ZBTB14: variants seen among roughly 807,000 people sequenced by gnomAD.
The protein encoded by ZBTB14 is zinc finger and BTB domain containing 14.
ZBTB14 carries 8 observed loss-of-function variants against 29.5 expected under a neutral mutation model. That is an observed-to-expected ratio of 0.27 (90% CI 0.16 to 0.49). The LOEUF (loss-of-function observed/expected upper bound fraction) is 0.49, where lower values mean the gene tolerates loss of function less well. Ranked by LOEUF, ZBTB14 falls within the 20% of genes least tolerant of loss-of-function variation. The pLI, the probability that ZBTB14 is intolerant of heterozygous loss-of-function variation, is 0.99. For synonymous variants in ZBTB14, 226 were observed against 207.2 expected (o/e 1.09, Z -0.78); for missense variants, 333 against 563.8 (o/e 0.59, Z 4.15).
rs2071773778 is a variant in ZBTB14 at position 5,289,920 on chromosome 18, G to T, written c.*938C>A. ...CCAAAGCTTGATGACATTCTGTAAA[G>T]TTACACAAATGTATCTGAAGAAGTT... On this transcript the variant is annotated 3_prime_UTR_variant, in exon 4 of 4. Transcript: ENST00000651870. The T allele has an allele frequency of 6.6e-6, 1 of 152,262 alleles. No homozygotes were observed. Among genetic ancestry groups the T allele is most frequent in the Non-Finnish European group, 1.5e-5 (1 of 68,038 alleles). 9.4% of individuals were successfully genotyped at this position (152,262 alleles called of 1,614,324 possible).
chr18:5,291,577 G>C lies in ZBTB14; in HGVS notation c.631C>G (p.Arg211Gly), dbSNP rs867479592. 1 of 1,613,678 alleles carries C rather than the reference G, an allele frequency of 6.2e-7. No homozygotes were observed. Among genetic ancestry groups the C allele is most frequent in the South Asian group, 1.1e-5 (1 of 91,064 alleles). Residue 211 changes from arginine (R) to glycine (G), a missense_variant, in exon 4 of 4, where the codon CGG (arginine) becomes GGG (glycine). Physicochemically the swap from Arg to Gly is moderately radical, Grantham distance 125. Transcript: ENST00000651870. The surrounding 1 kb of genome is among the most constrained non-coding windows in gnomAD (Gnocchi z 5.8). ...TCCTGGCCGTAGCAATTGACCTTCC[G>C]AACTTCCTCACTCCCCAGCTCTTTC... Reference protein sequence around the residue: ...ILKELGSEEVRKVNCYGQEVE... With the variant: ...ILKELGSEEVGKVNCYGQEVE...
Position 5,291,381 on chromosome 18 carries a change from T to G in ZBTB14, c.827A>C (p.Gln276Pro), listed in dbSNP as rs749976069. Residue 276 changes from glutamine (Q) to proline (P), a missense_variant, in exon 4 of 4, where the codon CAG becomes CCG. Gln to Pro is a moderately conservative substitution (Grantham distance 76). Transcript: ENST00000651870. This position sits in a 1 kb window ranked among gnomAD's most constrained non-coding sequence, Gnocchi z 5.8. ...CTTCCCACACGCCTGGCAGGCAATC[T>G]GCTCCCGATGGTGACCATAAAGCAA... ...EYLLYGHHRE[Q>P]IACQACGKTF... 1.6e-5 allele frequency: 26 copies of G among 1,614,146 alleles called. No individual in the cohort carries two copies. In the African/African-American group the frequency reaches 1.7e-4, roughly 11 times the overall value.
At chr18:5,296,203 C>T (rs930737589), upstream of ZBTB14, 3 of 151,144 alleles carry the variant, frequency 2.0e-5, no homozygotes, top group Admixed American at 1.3e-4. Flanking sequence ...TACGGGGCCG[C>T]CCCCGGAGGG....
chr18:5,293,169 C>T, intron 3 of ZBTB14, 75 bp downstream of exon 3: 1 of 1,486,300 alleles, frequency 6.7e-7, no homozygotes, highest in Non-Finnish European at 9.2e-7. Flanking sequence ...CATGCACAAT[C>T]AGAATTGGTA....
rs974325603 is a variant in ZBTB14 at position 5,290,782 on chromosome 18, A to G, written c.*76T>C. 18 of 1,541,214 alleles carry G rather than the reference A, an allele frequency of 1.2e-5. No homozygotes were observed. In the African/African-American group the frequency reaches 2.3e-4, roughly 20 times the overall value. ...CCATACGTTTCCACAAAAATATTGT[A>G]ACTGGCATTCACTCATTATGATCCA... On this transcript the variant is annotated 3_prime_UTR_variant, in exon 4 of 4. Coordinates refer to ENST00000651870, the MANE Select transcript of ZBTB14 (RefSeq NM_001243702.2).
chr18:5,294,866 G>A (rs1016918150), intron 1 of ZBTB14: 1 of 152,148 alleles, frequency 6.6e-6, no homozygotes, highest in African/African-American at 2.4e-5. Context: ...CGACTTCCTT[G>A]TTGCAAGCTT....
At chr18:5,294,571 T>TCCCCG (rs1467123796) in intron 1 of ZBTB14, among the ~76,000 whole-genome samples, 2 of 150,890 alleles carry the variant, frequency 1.3e-5, no homozygotes, top group African/African-American at 4.9e-5. Context: ...AGCCGCCTCC[T>TCCCCG]CCCCGCCCCG....
chr18:5,296,830 C>G (rs1337103789), upstream of ZBTB14, among the ~76,000 whole-genome samples: 1 of 151,948 alleles, frequency 6.6e-6, no homozygotes, highest in Non-Finnish European at 1.5e-5. Flanking sequence ...TGTGGCAGTC[C>G]AGACCCTGGA....
Position 5,293,341 on chromosome 18 carries a change from G to A in ZBTB14, c.-81-14C>T. The stretch of plus-strand genomic sequence containing the variant: ...AGCACGCCAGACCTACAGAGGAAAG[G>A]ATAAACAAGAATGAGGTAGGATCTT... On this transcript the variant is annotated splice_polypyrimidine_tract_variant and intron_variant, in intron 2 of 3. Coordinates refer to ENST00000651870, the MANE Select transcript of ZBTB14 (RefSeq NM_001243702.2). 2 of 1,299,314 alleles carry A rather than the reference G, an allele frequency of 1.5e-6. No homozygotes were observed. The highest frequency in any genetic ancestry group is 1.1e-6 in the Non-Finnish European group (1 of 933,670). The allele number at this position is 1,299,314 out of a possible 1,614,324, so 80.5% of individuals were successfully genotyped here.
chr18:5,296,237 A>ACGCGCGCGGCTTGGGGCGCGCGGAGCC (rs1467726823), upstream of ZBTB14: 6 of 150,066 alleles, frequency 4.0e-5, no homozygotes, highest in African/African-American at 9.8e-5. Context: ...ACGCGCGCGC[A>ACGCGCGCGGCTTGGGGCGCGCGGAGCC]CGCGCGCGGC....
chr18:5,293,357 G>A, intron 2 of ZBTB14, 30 bp from the exon 3 acceptor site: 1 of 1,127,614 alleles, frequency 8.9e-7, no homozygotes. Flanking sequence ...CAAGAATGAG[G>A]TAGGATCTTC....
rs761081643 is a variant in ZBTB14 at position 5,291,854 on chromosome 18, T to C, written c.354A>G (p.Arg118=). The change falls in exon 4 of 4, where the codon CGA becomes CGG. Residue 118 remains arginine (R), a synonymous_variant. Coordinates refer to ENST00000651870, the MANE Select transcript of ZBTB14 (RefSeq NM_001243702.2). This position sits in a 1 kb window ranked among gnomAD's most constrained non-coding sequence, Gnocchi z 5.8. ...MMSSGQILGI[R]FLDKLCSQKR... ...TCTGAGAACACAGTTTATCCAAAAATCGGATACCAAGAATCTGACCCGATG... is the reference window on the plus strand; with the variant it reads ...TCTGAGAACACAGTTTATCCAAAAACCGGATACCAAGAATCTGACCCGATG... 7 of 1,614,158 alleles carry C rather than the reference T, an allele frequency of 4.3e-6. No individual in the cohort carries two copies. In the South Asian group the frequency reaches 5.5e-5, roughly 13 times the overall value.
rs1018108241 is a variant in ZBTB14, at chr18:5,290,780, G to GT, written c.*77dup. ...TTCCATACGTTTCCACAAAAATATT[G>GT]TAACTGGCATTCACTCATTATGATC... On this transcript the variant is annotated 3_prime_UTR_variant, in exon 4 of 4. Coordinates refer to ENST00000651870, the MANE Select transcript of ZBTB14 (RefSeq NM_001243702.2). 18 of 1,539,000 alleles carry GT rather than the reference G, an allele frequency of 1.2e-5. No individual in the cohort carries two copies. Among genetic ancestry groups the GT allele is most frequent in the Middle Eastern group, 1.8e-4 (1 of 5,676 alleles).
chr18:5,291,678 G>A lies in ZBTB14; in HGVS notation c.530C>T (p.Thr177Ile), dbSNP rs1308876635. The A allele has an allele frequency of 4.3e-6, 7 of 1,614,046 alleles. No individual in the cohort carries two copies. The highest frequency in any genetic ancestry group is 5.9e-6 in the Non-Finnish European group (7 of 1,180,014). Residue 177 changes from threonine to isoleucine, a missense_variant, in exon 4 of 4, where the codon ACA (threonine) becomes ATA (isoleucine). Around this residue, in one of 3 missense-constraint regions of ZBTB14, gnomAD observed 126 missense variants for 132.2 expected, o/e 0.95. Transcript: ENST00000651870. The surrounding 1 kb of genome is among the most constrained non-coding windows in gnomAD (Gnocchi z 5.8). ...GDQDDSPSDD[T>I]VEGTPPSQED... ...CTGACTCGGGGGTGTGCCTTCTACTGTGTCATCAGAAGGACTGTCATCCTG... is the reference window on the plus strand; with the variant it reads ...CTGACTCGGGGGTGTGCCTTCTACTATGTCATCAGAAGGACTGTCATCCTG...
chr18:5,291,618 AC>A lies in ZBTB14; in HGVS notation c.589del (p.Val197PhefsTer6). On this transcript the variant is annotated frameshift_variant, in exon 4 of 4. Transcript: ENST00000651870. LOFTEE classifies it high-confidence loss of function. The surrounding 1 kb of genome is among the most constrained non-coding windows in gnomAD (Gnocchi z 5.8). ...DGKSPTTTLR[V>X]QEAILKELGS... ...CAGCTCTTTCAGGATCGCTTCCTGAACCCTGAGCGTTGTGGTGGGCGACTTG... is the reference window on the plus strand; with the variant it reads ...CAGCTCTTTCAGGATCGCTTCCTGAACCTGAGCGTTGTGGTGGGCGACTTG... The A allele has an allele frequency of 6.2e-7, 1 of 1,612,500 alleles. No homozygotes were observed. Among genetic ancestry groups the A allele is most frequent in the Non-Finnish European group, 8.5e-7 (1 of 1,179,626 alleles).
Position 5,289,958 on chromosome 18 carries a change from C to T in ZBTB14, c.*900G>A, listed in dbSNP as rs1053514918. Reference sequence around the variant, plus strand: ...ATCTGAAGAAGTTATCTGTTCTTGTCCTAATTTTGATTCTAAATAAAAATC... The same window carrying T: ...ATCTGAAGAAGTTATCTGTTCTTGTTCTAATTTTGATTCTAAATAAAAATC... On this transcript the variant is annotated 3_prime_UTR_variant, in exon 4 of 4. Transcript: ENST00000651870. 2 of 152,130 alleles carry T rather than the reference C, an allele frequency of 1.3e-5. No individual in the cohort carries two copies. Among genetic ancestry groups the T allele is most frequent in the Admixed American group, 1.3e-4 (2 of 15,276 alleles). The allele number at this position is 152,130 out of a possible 1,614,324, so 9.4% of individuals were successfully genotyped here.
chr18:5,291,354 G>A lies in ZBTB14; in HGVS notation c.854C>T (p.Thr285Met), dbSNP rs144708635. The A allele has an allele frequency of 3.8e-5, 61 of 1,614,082 alleles. No individual in the cohort carries two copies. Among genetic ancestry groups the A allele is most frequent in the East Asian group, 1.1e-4 (5 of 44,894 alleles). Residue 285 changes from threonine (T) to methionine (M), a missense_variant, in exon 4 of 4, where the codon ACG becomes ATG. Transcript: ENST00000651870. The surrounding 1 kb of genome is among the most constrained non-coding windows in gnomAD (Gnocchi z 5.8). ...CCTCAATCTGCCTTCATCAGAAAAC[G>A]TCTTCCCACACGCCTGGCAGGCAAT... ...EQIACQACGK[T>M]FSDEGRLRKH...
rs2071811958 is a variant in ZBTB14 at position 5,291,461 on chromosome 18, T to C, written c.747A>G (p.Lys249=). Residue 249 remains lysine, a synonymous_variant, in exon 4 of 4, where the codon AAA becomes AAG. Transcript: ENST00000651870. This position sits in a 1 kb window ranked among gnomAD's most constrained non-coding sequence, Gnocchi z 5.8. ...LTFNDGMSEV[K]DEQTPGWTTA... ...TTGTCCAGCCTGGTGTCTGTTCATC[T>C]TTCACTTCACTCATCCCATCATTAA... 6.2e-7 allele frequency: 1 copy of C among 1,614,078 alleles called. No individual in the cohort carries two copies. Among genetic ancestry groups the C allele is most frequent in the African/African-American group, 1.3e-5 (1 of 74,940 alleles).
upstream of ZBTB14, chr18:5,297,051 A>G (rs1035417185): frequency 1.3e-5 from 2 of 151,798 alleles, no homozygotes; most frequent in African/African-American, 4.8e-5. Context: ...GCGCCGCCTT[A>G]GAGTCGCTCA....
Sources: gnomAD v4.1 joint callset for allele counts (sites outside exome capture counted in the v4.1 genomes callset) on GRCh38, gnomAD v4.1.1 for gene constraint, gnomAD v4.1.1 regional missense constraint, Gnocchi (gnomAD v3.1) non-coding constraint, MANE v1.5 for transcripts, NCBI Gene and HGNC (gene_info 2026-07-23, HGNC 2026-07-21) for gene names.